Variants in ERAP1 observed in about 807,000 individuals in gnomAD.
ERAP1 encodes endoplasmic reticulum aminopeptidase 1.
Under a neutral mutation model 103.7 loss-of-function variants are expected in ERAP1, and 86 were observed. That is an observed-to-expected ratio of 0.83 (90% confidence interval 0.70 to 0.99). ERAP1 has a LOEUF of 0.99. ERAP1 is among the 50% of genes least tolerant of loss of function. The pLI is 0.00. For synonymous variants in ERAP1, 398 were observed against 402.4 expected (o/e 0.99, Z 0.13); for missense variants, 1,009 against 1,128.4 (o/e 0.89, Z 1.52).
At chr5:96,854,780 T>A in the ERAP1 span, among the ~76,000 whole-genome samples, 60 of 152,330 alleles carry the variant, frequency 3.9e-4, no homozygotes, top group East Asian at 0.011. Context: ...GGAGTCATGC[T>A]TTATTTTTCT....
the ERAP1 span, among the ~76,000 whole-genome samples, chr5:96,840,340 A>C: frequency 2.0e-5 from 3 of 152,206 alleles, no homozygotes; most frequent in Non-Finnish European, 2.9e-5. Context: ...CCAGGGAGTA[A>C]AATCGTCCCT....
Position 96,786,463 on chromosome 5 carries a change from AAATT to A in ERAP1, c.1759+3_1759+6del. ...TGAATTAACTAGTAGTTTCCAAAAT[AAATT>A]ACCTGTTTTTGTTTTTAGCAAAAAT... On this transcript the variant is annotated splice_donor_5th_base_variant and intron_variant, in intron 12 of 18. Transcript: ENST00000443439. 1 of 1,590,724 alleles carries A rather than the reference AAATT, an allele frequency of 6.3e-7. No individual in the cohort carries two copies. The highest frequency in any genetic ancestry group is 8.6e-7 in the Non-Finnish European group (1 of 1,159,434).
At chr5:96,813,514 G>A in the ERAP1 span, among the ~76,000 whole-genome samples, 99,937 of 151,304 alleles carry the variant, frequency 0.66, 33,398 homozygotes, top group Non-Finnish European at 0.72. Flanking sequence ...TTAGCCTGGC[G>A]TGGTGGTACG....
At chr5:96,761,352 G>A (rs1442010106) in exon 20 of ERAP1, 1 of 152,064 alleles carries the variant, frequency 6.6e-6, no homozygotes, top group Non-Finnish European at 1.5e-5. Context: ...ATTTAATTTA[G>A]TACATTTTGG....
the ERAP1 span, among the ~76,000 whole-genome samples, chr5:96,910,797 A>G: frequency 6.6e-6 from 1 of 152,216 alleles, no homozygotes; most frequent in African/African-American, 2.4e-5. Flanking sequence ...TTCTTTACAT[A>G]GATTAATTGA....
the ERAP1 span, chr5:96,848,567 C>G: frequency 6.6e-6 from 1 of 152,110 alleles, no homozygotes; most frequent in Non-Finnish European, 1.5e-5. Flanking sequence ...ATGTAACCTA[C>G]CAAAACTCCA....
upstream of ERAP1, among the ~76,000 whole-genome samples, chr5:96,811,215 C>A (rs185886011): frequency 3.2e-4 from 48 of 152,250 alleles, no homozygotes; most frequent in African/African-American, 1.1e-3. Context: ...AAAAGCAATA[C>A]CATCTTATTA....
the ERAP1 span, among the ~76,000 whole-genome samples, chr5:96,887,107 A>ATG: frequency 2.7e-5 from 1 of 37,644 alleles, no homozygotes; most frequent in African/African-American, 7.6e-5. Context: ...ATATACACAC[A>ATG]CACACACACA....
the ERAP1 span, among the ~76,000 whole-genome samples, chr5:96,853,205 A>C: frequency 6.6e-6 from 1 of 152,216 alleles, no homozygotes; most frequent in Non-Finnish European, 1.5e-5. Flanking sequence ...CTTTAGGTCC[A>C]AAAACCTACT....
chr5:96,898,064 T>C, the ERAP1 span, among the ~76,000 whole-genome samples: 3 of 152,218 alleles, frequency 2.0e-5, no homozygotes, highest in Middle Eastern at 3.4e-3. Flanking sequence ...GGCATGGTGG[T>C]GCTTGCCTGT....
the ERAP1 span, among the ~76,000 whole-genome samples, chr5:96,884,754 T>A: frequency 2.0e-5 from 3 of 151,744 alleles, no homozygotes; most frequent in Non-Finnish European, 2.9e-5. Context: ...AGAGACGGGG[T>A]TTCACCACGT....
chr5:96,862,723 G>A, the ERAP1 span, among the ~76,000 whole-genome samples: 2 of 152,154 alleles, frequency 1.3e-5, no homozygotes, highest in African/African-American at 4.8e-5. Context: ...AACCTTCTCT[G>A]CAGCCACCAT....
the ERAP1 span, among the ~76,000 whole-genome samples, chr5:96,817,870 A>C: frequency 1.3e-5 from 2 of 152,238 alleles, no homozygotes; most frequent in Non-Finnish European, 2.9e-5. Flanking sequence ...AGCCTAAAGC[A>C]CATCTAGAAT....
At chr5:96,917,435 G>A in the ERAP1 span, 8,633 of 1,593,968 alleles carry the variant, frequency 5.4e-3, 28 homozygotes, top group Non-Finnish European at 6.6e-3. Context: ...CAAAGTGTTA[G>A]TAATTTTTTT....
the ERAP1 span, among the ~76,000 whole-genome samples, chr5:96,844,681 G>C: frequency 6.6e-6 from 1 of 152,176 alleles, no homozygotes; most frequent in East Asian, 1.9e-4. Context: ...GGTAGCTCCA[G>C]GGCATTGTGG....
upstream of ERAP1, among the ~76,000 whole-genome samples, chr5:96,808,741 AG>A (rs1778966645): frequency 6.6e-6 from 1 of 152,206 alleles, no homozygotes; most frequent in East Asian, 1.9e-4. Flanking sequence ...ATGGCCAAAA[AG>A]ACCATCTTTA....
chr5:96,781,276 G>C, intron 16 of ERAP1, 78 bp from the exon 17 acceptor site: 6 of 1,467,894 alleles, frequency 4.1e-6, no homozygotes, highest in Non-Finnish European at 5.6e-6. Context: ...AAAATTACTT[G>C]TAAAAGAAAA....
In ERAP1 at chr5:96,803,866, A is replaced by G. The variant is rs1251794829; in HGVS notation, c.61T>C (p.Leu21=). 1 of 1,613,440 alleles carries G rather than the reference A, an allele frequency of 6.2e-7. No individual in the cohort carries two copies. The highest frequency in any genetic ancestry group is 2.2e-5 in the East Asian group (1 of 44,904). ...ATMSFLLSSL[L]ALLTVSTPSW... ...GGAGTGGACACAGTTAAGAGAGCCA[A>G]CAGTGAGGAAAGTAGAAATGACATG... Residue 21 remains leucine (L), a synonymous_variant, in exon 2 of 19, where the codon TTG becomes CTG. Transcript: ENST00000443439.
At chr5:96,897,030 A>G in the ERAP1 span, among the ~76,000 whole-genome samples, 1 of 53,808 alleles carries the variant, frequency 1.9e-5, no homozygotes, top group Non-Finnish European at 4.4e-5. Flanking sequence ...CTCTAACACC[A>G]CACTAGGATG....
Sources: gnomAD v4.1 joint callset for allele counts (sites outside exome capture counted in the v4.1 genomes callset) on GRCh38, gnomAD v4.1.1 for gene constraint, MANE v1.5 for transcripts, NCBI Gene and HGNC (gene_info 2026-07-23, HGNC 2026-07-21) for gene names.